Variants in VPS45 observed in about 807,000 individuals in gnomAD.
VPS45 encodes the protein vacuolar protein sorting 45 homolog.
In VPS45, 35 loss-of-function variants were observed where a neutral mutation model predicts 75.9. That is an observed-to-expected ratio of 0.46 (90% CI 0.35 to 0.61). The LOEUF is 0.61. VPS45 is among the 20% of genes least tolerant of loss of function. The pLI, the probability that VPS45 is intolerant of heterozygous loss-of-function variation, is 0.00. For synonymous variants in VPS45, 220 were observed against 238.2 expected, an observed-to-expected ratio of 0.92 and a Z score of 0.70; for missense variants, 559 against 685.9, an observed-to-expected ratio of 0.81 and a Z score of 2.07.
At position 150,082,700 on chromosome 1, in the gene VPS45, GT is replaced by G. The variant is rs781994539; in HGVS notation, c.937-11del. 1.9e-4 allele frequency: 302 copies of G among 1,607,874 alleles called. No homozygotes were observed. The highest frequency in any genetic ancestry group is 4.4e-4 in the Admixed American group (26 of 59,378). The stretch of plus-strand genomic sequence containing the variant: ...AAAAATAACAGAACCTCCCATTGAT[GT>G]TTTTCCCATGGCAGGCGTTTGTTGA... On this transcript the variant is annotated splice_polypyrimidine_tract_variant and intron_variant, in intron 9 of 14. Coordinates refer to ENST00000644510, the MANE Select transcript of VPS45 (RefSeq NM_007259.5).
At position 150,110,542 on chromosome 1, in the gene VPS45, G is replaced by A. The variant is rs781985323; in HGVS notation, c.1540G>A (p.Glu514Lys). 2 of 1,613,506 alleles carry A rather than the reference G, an allele frequency of 1.2e-6. No homozygotes were observed. The highest frequency in any genetic ancestry group is 1.3e-5 in the African/African-American group (1 of 74,844). ...VFVIGGATYE[E>K]ALTVYNLNRT... ...TGTAATTGGAGGAGCCACCTATGAAGAGGCTCTAACAGTTTATAACCTGAA... is the reference window on the plus strand; with the variant it reads ...TGTAATTGGAGGAGCCACCTATGAAAAGGCTCTAACAGTTTATAACCTGAA... Residue 514 changes from glutamate to lysine, a missense_variant, in exon 14 of 15, where the codon GAG (glutamate) becomes AAG (lysine). Glu to Lys is a moderately conservative substitution (Grantham distance 56, BLOSUM62 1). Transcript: ENST00000644510.
rs1179499513 is a variant in VPS45 at position 150,140,119 on chromosome 1, CGTGACCTCAA to C, written c.1626-4575_1626-4566del. Among the ~76,000 whole-genome samples the C allele has an allele frequency of 1.4e-4, 21 of 152,094 alleles. No individual in the cohort carries two copies. In the South Asian group the frequency reaches 1.9e-3, roughly 14 times the overall value. On this transcript the variant is annotated intron_variant, in intron 14 of 14. Transcript: ENST00000644510. ...ATGTTGGTCAAGCTGATCTGAAACT[CGTGACCTCAA>C]GTGACCTCAAGTGATCCTCCCGCCT...
Position 150,114,338 on chromosome 1 carries a change from G to A in VPS45, c.1625+3711G>A, listed in dbSNP as rs113628288. On this transcript the variant is annotated intron_variant, in intron 14 of 14. Coordinates refer to ENST00000644510, the MANE Select transcript of VPS45 (RefSeq NM_007259.5). The stretch of plus-strand genomic sequence containing the variant: ...AAAATGCAACAATTAGCCAGGCGTG[G>A]TGGCACATGCCTGTAATCCCAGCTA... Among the ~76,000 whole-genome samples, 24 of 152,064 alleles carry A rather than the reference G, an allele frequency of 1.6e-4. 1 individual carries two copies. Among genetic ancestry groups the A allele is most frequent in the African/African-American group, 5.1e-4 (21 of 41,500 alleles).
chr1:150,088,307 CAT>C (rs1656123698), intron 10 of VPS45, among the ~76,000 whole-genome samples: 1 of 151,830 alleles, frequency 6.6e-6, no homozygotes, highest in Non-Finnish European at 1.5e-5. Flanking sequence ...TTAGATTCCA[CAT>C]ATGAGTAAGA....
intron 14 of VPS45, among the ~76,000 whole-genome samples, chr1:150,126,787 G>T (rs1658542846): frequency 6.6e-6 from 1 of 152,110 alleles, no homozygotes; most frequent in African/African-American, 2.4e-5. Flanking sequence ...GCAACATAGT[G>T]AGACTCCATC....
chr1:150,136,554 T>G (rs1208992058), intron 14 of VPS45, among the ~76,000 whole-genome samples: 1 of 151,798 alleles, frequency 6.6e-6, no homozygotes, highest in African/African-American at 2.4e-5. Context: ...AAACTCCATC[T>G]CAAACAAACA....
At chr1:150,101,474 G>T (rs587712151) in intron 13 of VPS45, among the ~76,000 whole-genome samples, 2 of 152,014 alleles carry the variant, frequency 1.3e-5, no homozygotes, top group Non-Finnish European at 2.9e-5. Flanking sequence ...GGTGGTTCAC[G>T]CCTGTAATCC....
At chr1:150,075,727 A>G (rs587767706) in intron 3 of VPS45, among the ~76,000 whole-genome samples, 1 of 152,282 alleles carries the variant, frequency 6.6e-6, no homozygotes, top group South Asian at 2.1e-4. Context: ...TATTTTCAAT[A>G]AAATGACTTA....
intron 13 of VPS45, among the ~76,000 whole-genome samples, chr1:150,101,545 C>A (rs1286584815): frequency 5.3e-5 from 8 of 151,664 alleles, no homozygotes; most frequent in African/African-American, 1.9e-4. Flanking sequence ...ACCAGCCTGG[C>A]CAACATGGTG....
intron 13 of VPS45, among the ~76,000 whole-genome samples, chr1:150,107,429 A>G (rs1240620335): frequency 6.6e-6 from 1 of 152,154 alleles, no homozygotes; most frequent in Non-Finnish European, 1.5e-5. Context: ...ACTGAAGAAT[A>G]TGTATTTTTT....
intron 14 of VPS45, chr1:150,142,690 G>T: frequency 3.3e-6 from 1 of 303,796 alleles, no homozygotes; most frequent in Non-Finnish European, 6.6e-6. Context: ...GTTGAGACAG[G>T]GTTTCACTCC....
intron 14 of VPS45, among the ~76,000 whole-genome samples, chr1:150,143,328 G>A (rs761841512): frequency 6.6e-6 from 1 of 152,110 alleles, no homozygotes; most frequent in Non-Finnish European, 1.5e-5. Flanking sequence ...AGTGGCTCAC[G>A]CTTGTAATCC....
At chr1:150,098,866 T>C (rs1306908337) in intron 13 of VPS45, 5 of 1,277,362 alleles carry the variant, frequency 3.9e-6, no homozygotes, top group Non-Finnish European at 5.1e-6. Context: ...CTCTTGTCTC[T>C]GATAAAGGCA....
In VPS45 at chr1:150,081,956, C is replaced by G. The variant is rs781867731; in HGVS notation, c.895C>G (p.Pro299Ala). 35 of 1,612,558 alleles carry G rather than the reference C, an allele frequency of 2.2e-5. No individual in the cohort carries two copies. Among genetic ancestry groups the G allele is most frequent in the Non-Finnish European group, 3.0e-5 (35 of 1,179,352 alleles). ...CATGGAAGATTTTCAGAAGAAGAAA[C>G]CAAAAGAACAGCAAAAACTAGAATC... ...NLMEDFQKKK[P>A]KEQQKLESIA... is the part of the protein sequence containing the mutation. Residue 299 changes from proline to alanine, a missense_variant, in exon 9 of 15, where the codon CCA (proline) becomes GCA (alanine). Pro to Ala is a conservative substitution (Grantham distance 27, BLOSUM62 -1). Coordinates refer to ENST00000644510, the MANE Select transcript of VPS45 (RefSeq NM_007259.5).
chr1:150,094,602 A>G (rs1656521315), intron 13 of VPS45, among the ~76,000 whole-genome samples: 1 of 152,222 alleles, frequency 6.6e-6, no homozygotes, highest in South Asian at 2.1e-4. Context: ...TTGGTGTTAA[A>G]TTCAGAGAGT....
intron 14 of VPS45, among the ~76,000 whole-genome samples, chr1:150,132,133 AATC>A (rs1464535796): frequency 6.6e-6 from 1 of 152,168 alleles, no homozygotes; most frequent in Non-Finnish European, 1.5e-5. Flanking sequence ...GCCATATAAT[AATC>A]ATTTTTCTTT....
At chr1:150,110,168 G>A (rs114546486) in intron 13 of VPS45, 4 of 210,272 alleles carry the variant, frequency 1.9e-5, no homozygotes, top group East Asian at 1.1e-4. Flanking sequence ...ATCATGTCAT[G>A]GTAAGGCACT....
At chr1:150,139,645 T>C (rs1659280755) in intron 14 of VPS45, among the ~76,000 whole-genome samples, 1 of 152,160 alleles carries the variant, frequency 6.6e-6, no homozygotes, top group African/African-American at 2.4e-5. Context: ...AATCCTGGGC[T>C]CATGCTCAAG....
chr1:150,129,684 C>T (rs889572611), intron 14 of VPS45, among the ~76,000 whole-genome samples: 4 of 151,680 alleles, frequency 2.6e-5, no homozygotes, highest in Admixed American at 2.0e-4. Flanking sequence ...CTCAGCCTCC[C>T]GAGTAGCTGG....
Sources: allele counts gnomAD v4.1 joint callset (sites outside exome capture counted in the v4.1 genomes callset), GRCh38; gene constraint gnomAD v4.1.1; transcripts MANE v1.5; gene names NCBI Gene and HGNC (gene_info 2026-07-23, HGNC 2026-07-21).